The following DOK6 variants were observed in gnomAD, a reference collection of about 807,000 sequenced individuals.
The protein encoded by DOK6 is docking protein 6, also known as downstream of tyrosine kinase 6.
A neutral mutation model predicts 44.0 loss-of-function variants in DOK6; 22 were observed. That is an observed-to-expected ratio of 0.50 (90% CI 0.36 to 0.71). DOK6 has a LOEUF of 0.71. Ranked by LOEUF, DOK6 falls within the 30% of genes least tolerant of loss-of-function variation. The probability of loss-of-function intolerance (pLI) is 0.00; values close to 1 mark genes in which losing one functional copy is unlikely to be tolerated. For missense variants in DOK6, 340 were observed against 416.4 expected (o/e 0.82, Z 1.60); for synonymous variants, 166 against 145.5 (o/e 1.14, Z -1.01).
intron 2 of DOK6, among the ~76,000 whole-genome samples, chr18:69,592,370 G>A (rs1599210316): frequency 6.6e-6 from 1 of 151,444 alleles, no homozygotes; most frequent in East Asian, 1.9e-4. Context: ...CTTTCATAGG[G>A]TTTACTAGAG....
At chr18:69,571,769 C>A (rs992379282) in intron 2 of DOK6, among the ~76,000 whole-genome samples, 1 of 151,992 alleles carries the variant, frequency 6.6e-6, no homozygotes, top group Non-Finnish European at 1.5e-5. Context: ...GAAACAATTT[C>A]ACAATCTATA....
At chr18:69,573,865 T>A (rs1983176835) in intron 2 of DOK6, among the ~76,000 whole-genome samples, 2 of 152,004 alleles carry the variant, frequency 1.3e-5, no homozygotes, top group Admixed American at 1.3e-4. Flanking sequence ...ACGCCACTCT[T>A]TATCATTCAA....
intron 7 of DOK6, among the ~76,000 whole-genome samples, chr18:69,811,525 T>TATATAC (rs1491456006): frequency 3.7e-3 from 13 of 3,538 alleles, no homozygotes; most frequent in African/African-American, 7.7e-3. Context: ...ACCATTCCAT[T>TATATAC]ATATATATAT....
intron 4 of DOK6, among the ~76,000 whole-genome samples, chr18:69,685,199 T>G (rs1986125260): frequency 6.6e-6 from 1 of 152,224 alleles, no homozygotes; most frequent in African/African-American, 2.4e-5. Context: ...GATTTCATTT[T>G]TTGGTATACG....
intron 6 of DOK6, among the ~76,000 whole-genome samples, chr18:69,757,061 G>C (rs1979377628): frequency 6.6e-6 from 1 of 152,196 alleles, no homozygotes. Flanking sequence ...AACTAATCAT[G>C]TGCCGGAGCA....
chr18:69,564,248 T>G (rs1982915583), intron 1 of DOK6, among the ~76,000 whole-genome samples: 1 of 152,224 alleles, frequency 6.6e-6, no homozygotes, highest in South Asian at 2.1e-4. Context: ...TTAGTTATAT[T>G]AAAGACTACT....
chr18:69,669,667 C>T (rs935363947), intron 3 of DOK6, among the ~76,000 whole-genome samples: 3 of 152,096 alleles, frequency 2.0e-5, no homozygotes, highest in Admixed American at 6.6e-5. Flanking sequence ...GACCCCTTCC[C>T]GCACCCCCCC....
intron 4 of DOK6, among the ~76,000 whole-genome samples, chr18:69,684,728 A>AT (rs753910856): frequency 1.8e-4 from 28 of 152,282 alleles, no homozygotes; most frequent in Non-Finnish European, 1.9e-4. Flanking sequence ...CTAGAATGTG[A>AT]TTTTCCCTGT....
intron 1 of DOK6, among the ~76,000 whole-genome samples, chr18:69,540,192 C>A (rs1982233369): frequency 6.6e-6 from 1 of 152,192 alleles, no homozygotes; most frequent in African/African-American, 2.4e-5. Context: ...GGTGGGAACA[C>A]AGAACCTAAC....
chr18:69,678,192 T>G (rs1290362279), intron 4 of DOK6, among the ~76,000 whole-genome samples: 1 of 152,104 alleles, frequency 6.6e-6, no homozygotes, highest in Non-Finnish European at 1.5e-5. Context: ...GAGGTTGCAA[T>G]GAGCCAAGAT....
intron 1 of DOK6, among the ~76,000 whole-genome samples, chr18:69,524,223 A>C (rs1981767521): frequency 6.6e-6 from 1 of 152,052 alleles, no homozygotes; most frequent in African/African-American, 2.4e-5. Flanking sequence ...CATAAGAATT[A>C]AAGTTACATG....
intron 1 of DOK6, among the ~76,000 whole-genome samples, chr18:69,458,955 G>T (rs1979704678): frequency 6.6e-6 from 1 of 151,954 alleles, no homozygotes; most frequent in South Asian, 2.1e-4. Context: ...AATGAGCTGA[G>T]TGTGGTGGCA....
chr18:69,721,926 C>T (rs1978289266), intron 5 of DOK6, among the ~76,000 whole-genome samples: 1 of 152,138 alleles, frequency 6.6e-6, no homozygotes, highest in African/African-American at 2.4e-5. Flanking sequence ...CATATAAAAC[C>T]TGTTTGCTCT....
chr18:69,686,033 C>T (rs547862047), intron 4 of DOK6, among the ~76,000 whole-genome samples: 1 of 152,198 alleles, frequency 6.6e-6, no homozygotes, highest in Admixed American at 6.5e-5. Context: ...AAAGAGGTAA[C>T]TGAGGCAGAG....
At chr18:69,565,090 T>C (rs1189281555) in intron 2 of DOK6, among the ~76,000 whole-genome samples, 9 of 152,118 alleles carry the variant, frequency 5.9e-5, no homozygotes. Flanking sequence ...AATATCAATC[T>C]CCTAAGAATT....
chr18:69,683,277 G>A (rs368088280), intron 4 of DOK6, among the ~76,000 whole-genome samples: 9 of 151,986 alleles, frequency 5.9e-5, no homozygotes, highest in Admixed American at 1.3e-4. Flanking sequence ...CAATAATGAC[G>A]ACCTGCTCTC....
intron 7 of DOK6, among the ~76,000 whole-genome samples, chr18:69,838,810 C>T (rs1015148218): frequency 1.3e-5 from 2 of 148,250 alleles, no homozygotes; most frequent in African/African-American, 5.0e-5. Context: ...TCCCTAATCC[C>T]TTCCCTAGCT....
At chr18:69,757,981 C>A in intron 7 of DOK6, 108 bp downstream of exon 7, 1 of 940,984 alleles carries the variant, frequency 1.1e-6, no homozygotes. Flanking sequence ...CTCCCATTCC[C>A]ATTTATCAGC....
At chr18:69,741,905 T>TA (rs977065494) in intron 6 of DOK6, among the ~76,000 whole-genome samples, 23 of 152,168 alleles carry the variant, frequency 1.5e-4, no homozygotes, top group African/African-American at 4.8e-5. Context: ...GAAAGTTGGA[T>TA]AAAAAAACTC....
Sources: allele counts gnomAD v4.1 joint callset (sites outside exome capture counted in the v4.1 genomes callset), GRCh38; gene constraint gnomAD v4.1.1; transcripts MANE v1.5; gene names NCBI Gene and HGNC (gene_info 2026-07-23, HGNC 2026-07-21).